AOPEP: variants seen among roughly 807,000 people sequenced by gnomAD.
The protein encoded by AOPEP is aminopeptidase O (putative).
AOPEP carries 77 observed loss-of-function variants against 98.1 expected under a neutral mutation model. The observed-to-expected ratio is 0.78, with a 90% CI of 0.65 to 0.95. AOPEP has a LOEUF of 0.95. AOPEP is among the 40% of genes least tolerant of loss of function. The probability of loss-of-function intolerance (pLI) is 0.00; values close to 1 mark genes in which losing one functional copy is unlikely to be tolerated. For synonymous variants in AOPEP, 346 were observed against 365.3 expected, an observed-to-expected ratio of 0.95 and a Z score of 0.60; for missense variants, 1,024 against 1,024.7, an observed-to-expected ratio of 1.00 and a Z score of 0.01.
At chr9:94,956,539 C>A (rs2058471899) in intron 9 of AOPEP, among the ~76,000 whole-genome samples, 1 of 152,226 alleles carries the variant, frequency 6.6e-6, no homozygotes, top group African/African-American at 2.4e-5. Flanking sequence ...TTCACCAGTA[C>A]TTAGCACATG....
the AOPEP span, among the ~76,000 whole-genome samples, chr9:95,138,630 G>A: frequency 3.3e-5 from 5 of 152,198 alleles, no homozygotes; most frequent in East Asian, 1.9e-4. Context: ...CTGGAAAGGC[G>A]TTTCACTGCA....
At position 94,967,799 on chromosome 9, in the gene AOPEP, A is replaced by T. The variant is rs1195811754; in HGVS notation, c.1914A>T (p.Lys638Asn). The T allele has an allele frequency of 6.2e-7, 1 of 1,612,760 alleles. No individual in the cohort carries two copies. Among genetic ancestry groups the T allele is most frequent in the Non-Finnish European group, 8.5e-7 (1 of 1,178,758 alleles). ...TACTGGAGAACATTCCAGAAGAAAA[A>T]AGGTAAGGACCAATTTAGGAATTTT... ...QMLLENIPEE[K>N]RLELSVENIY... is the part of the protein sequence containing the mutation. Residue 638 changes from lysine to asparagine, a missense_variant and splice_region_variant, in exon 10 of 17, where the codon AAA becomes AAT. By Grantham distance (94) the Lys-to-Asn change is moderately conservative. Transcript: ENST00000375315.
At chr9:94,957,453 C>G (rs2058544817) in intron 9 of AOPEP, among the ~76,000 whole-genome samples, 1 of 152,196 alleles carries the variant, frequency 6.6e-6, no homozygotes, top group African/African-American at 2.4e-5. Flanking sequence ...GGTGATCTGC[C>G]CACCTTGGCC....
At chr9:94,944,271 G>T (rs1321982697) in intron 7 of AOPEP, among the ~76,000 whole-genome samples, 1 of 152,030 alleles carries the variant, frequency 6.6e-6, no homozygotes, top group Admixed American at 6.6e-5. Flanking sequence ...AAGAAATGAA[G>T]AAATCATATG....
At chr9:95,023,111 T>TG (rs2063587103) in intron 13 of AOPEP, among the ~76,000 whole-genome samples, 1 of 152,196 alleles carries the variant, frequency 6.6e-6, no homozygotes, top group Non-Finnish European at 1.5e-5. Flanking sequence ...CGGGAAAACA[T>TG]TTTGCACAGA....
chr9:94,924,213 G>A, intron 6 of AOPEP, 38 bp downstream of exon 6: 6 of 1,309,076 alleles, frequency 4.6e-6, no homozygotes, highest in Admixed American at 3.9e-5. Context: ...ACTACCCAGA[G>A]TCAAATTCCA....
the AOPEP span, among the ~76,000 whole-genome samples, chr9:95,143,540 T>A: frequency 6.6e-6 from 1 of 152,170 alleles, no homozygotes; most frequent in African/African-American, 2.4e-5. Flanking sequence ...ACTCAGGAAA[T>A]TTCAAGGGTT....
In AOPEP at chr9:95,082,621, C is replaced by G. The variant is rs761636461; in HGVS notation, c.2366C>G (p.Ala789Gly). The G allele has an allele frequency of 4.3e-6, 7 of 1,614,162 alleles. No homozygotes were observed. The highest frequency in any genetic ancestry group is 5.1e-6 in the Non-Finnish European group (6 of 1,180,030). The change falls in exon 16 of 17, where the codon GCC (alanine) becomes GGC (glycine). Residue 789 changes from alanine (A) to glycine (G), a missense_variant. By Grantham distance (60) the Ala-to-Gly change is moderately conservative. Coordinates refer to ENST00000375315, the MANE Select transcript of AOPEP (RefSeq NM_001193329.3). ...LYGELMVSEDARQQQLARRCF... is the reference protein window; with the variant it reads ...LYGELMVSEDGRQQQLARRCF... The stretch of plus-strand genomic sequence containing the variant: ...GGGGAGCTGATGGTGAGTGAGGACG[C>G]CAGACAGCAGCAGCTCGCCCGTAGG...
At chr9:94,984,723 C>T (rs910650328) in intron 11 of AOPEP, among the ~76,000 whole-genome samples, 12 of 152,160 alleles carry the variant, frequency 7.9e-5, no homozygotes, top group Non-Finnish European at 1.0e-4. Context: ...ATGTGGCTTG[C>T]GTATATTCCT....
the AOPEP span, among the ~76,000 whole-genome samples, chr9:95,128,397 T>C: frequency 2.0e-5 from 3 of 152,222 alleles, no homozygotes; most frequent in Admixed American, 6.5e-5. Flanking sequence ...TGGAAATGCG[T>C]TGATAGAAAG....
chr9:95,108,351 G>A, the AOPEP span, among the ~76,000 whole-genome samples: 36 of 152,334 alleles, frequency 2.4e-4, 1 homozygote, highest in East Asian at 3.9e-3. Context: ...CGGGTCTGAT[G>A]GTGTCTACGG....
At chr9:94,829,136 T>G (rs1855352363) in intron 5 of AOPEP, among the ~76,000 whole-genome samples, 1 of 152,044 alleles carries the variant, frequency 6.6e-6, no homozygotes, top group Admixed American at 6.6e-5. Flanking sequence ...CCCAAAGTGC[T>G]GGAATTACAG....
At chr9:95,134,699 C>T in the AOPEP span, among the ~76,000 whole-genome samples, 1 of 152,230 alleles carries the variant, frequency 6.6e-6, no homozygotes, top group Non-Finnish European at 1.5e-5. Context: ...CTGCCTCCCA[C>T]AAAGGAATAT....
intron 14 of AOPEP, among the ~76,000 whole-genome samples, chr9:95,079,248 A>T (rs2134199901): frequency 6.6e-6 from 1 of 152,352 alleles, no homozygotes; most frequent in East Asian, 1.9e-4. Flanking sequence ...TTTGCATGTA[A>T]ACCTATTTAG....
intron 4 of AOPEP, 141 bp from the exon 5 acceptor site, chr9:94,800,616 C>A: frequency 1.2e-6 from 1 of 857,082 alleles, no homozygotes. Flanking sequence ...CCAGTCAAGC[C>A]AAGAATTGAA....
At chr9:95,098,393 A>G in the AOPEP span, among the ~76,000 whole-genome samples, 1 of 152,170 alleles carries the variant, frequency 6.6e-6, no homozygotes, top group African/African-American at 2.4e-5. Flanking sequence ...CTTAGACACC[A>G]GGCAGGACAG....
At position 94,844,231 on chromosome 9, in the gene AOPEP, CT is replaced by C. The variant is rs769475701; in HGVS notation, c.1364+43233del. 1.2e-4 allele frequency among the ~76,000 whole-genome samples: 18 copies of C among 152,162 alleles called. 1 individual carries two copies. The highest frequency in any genetic ancestry group is 6.8e-3 in the Middle Eastern group (2 of 294). The stretch of plus-strand genomic sequence containing the variant: ...CCACCATGCCCAGCTAATTTTTCTG[CT>C]TTTGGTAAAGATGGGGTTTCACCAT... On this transcript the variant is annotated intron_variant, in intron 5 of 16. Coordinates refer to ENST00000375315, the MANE Select transcript of AOPEP (RefSeq NM_001193329.3).
intron 1 of AOPEP, among the ~76,000 whole-genome samples, chr9:94,738,020 A>G (rs923021728): frequency 3.9e-5 from 6 of 152,212 alleles, no homozygotes; most frequent in African/African-American, 1.4e-4. Flanking sequence ...TTGTGAACCC[A>G]GGAAAGTATC....
chr9:94,939,829 AC>A (rs1400598317), intron 7 of AOPEP, among the ~76,000 whole-genome samples: 1 of 152,200 alleles, frequency 6.6e-6, no homozygotes, highest in Non-Finnish European at 1.5e-5. Flanking sequence ...AACTGAGGAA[AC>A]AGAAAGCTGG....
Sources: gnomAD v4.1 joint callset for allele counts (sites outside exome capture counted in the v4.1 genomes callset) on GRCh38, gnomAD v4.1.1 for gene constraint, MANE v1.5 for transcripts, NCBI Gene and HGNC (gene_info 2026-07-23, HGNC 2026-07-21) for gene names.